The following DPYD variants were observed in gnomAD, a reference collection of about 807,000 sequenced individuals.
DPYD encodes dihydropyrimidine dehydrogenase [NADP(+)].
In DPYD, 109 loss-of-function variants were observed where a neutral mutation model predicts 116.2. The observed-to-expected ratio is 0.94, with a 90% CI of 0.80 to 1.10. The LOEUF is 1.10. Among genes scored for constraint, DPYD ranks in the 50% least tolerant of loss-of-function variants. The pLI is 0.00. For synonymous variants in DPYD, 440 were observed against 432.0 expected (o/e 1.02, Z -0.23); for missense variants, 1,302 against 1,254.5 (o/e 1.04, Z -0.57).
At chr1:97,902,008 T>C (rs1182420145) in intron 1 of DPYD, among the ~76,000 whole-genome samples, 1 of 151,824 alleles carries the variant, frequency 6.6e-6, no homozygotes, top group Non-Finnish European at 1.5e-5. Context: ...ATCCACATAG[T>C]CTAAAATTCT....
intron 3 of DPYD, among the ~76,000 whole-genome samples, chr1:97,750,264 A>G (rs1346708966): frequency 2.0e-5 from 3 of 152,086 alleles, no homozygotes; most frequent in Non-Finnish European, 4.4e-5. Context: ...CATGTACCCT[A>G]GAACTTAAGA....
At chr1:97,492,223 T>A (rs78338622) in intron 13 of DPYD, among the ~76,000 whole-genome samples, 12,792 of 152,206 alleles carry the variant, frequency 0.084, 655 homozygotes, top group South Asian at 0.1. Context: ...TGATTGCAGA[T>A]CAAGGCATTT....
chr1:97,909,095 T>C (rs972785643), intron 1 of DPYD, among the ~76,000 whole-genome samples: 2 of 152,140 alleles, frequency 1.3e-5, no homozygotes, highest in African/African-American at 4.8e-5. Context: ...ATTATTTTCA[T>C]TATCCTACTT....
At chr1:97,506,011 C>A (rs1647295794) in intron 13 of DPYD, among the ~76,000 whole-genome samples, 1 of 151,896 alleles carries the variant, frequency 6.6e-6, no homozygotes, top group Non-Finnish European at 1.5e-5. Flanking sequence ...ACTAACACAC[C>A]AGTAACTTCC....
At chr1:97,889,458 C>T (rs555608468) in intron 1 of DPYD, among the ~76,000 whole-genome samples, 3 of 151,990 alleles carry the variant, frequency 2.0e-5, no homozygotes, top group Non-Finnish European at 4.4e-5. Flanking sequence ...AGCATGAAAG[C>T]TGCAGTGCCC....
intron 3 of DPYD, among the ~76,000 whole-genome samples, chr1:97,753,189 C>A (rs560838301): frequency 9.9e-5 from 15 of 151,724 alleles, no homozygotes; most frequent in Admixed American, 2.0e-4. Context: ...TTATAAAAAC[C>A]CAATGAGATA....
At chr1:97,119,540 T>C (rs1225921888) in intron 20 of DPYD, among the ~76,000 whole-genome samples, 3 of 152,032 alleles carry the variant, frequency 2.0e-5, no homozygotes, top group Non-Finnish European at 4.4e-5. Flanking sequence ...AAAATATGCT[T>C]TTTGTTAGGA....
At chr1:97,250,911 T>A (rs1476537901) in intron 18 of DPYD, among the ~76,000 whole-genome samples, 1 of 152,174 alleles carries the variant, frequency 6.6e-6, no homozygotes, top group East Asian at 1.9e-4. Flanking sequence ...TATCTGTGTA[T>A]TATATTGTAT....
chr1:97,287,687 T>C (rs1665808205), intron 18 of DPYD, among the ~76,000 whole-genome samples: 1 of 152,144 alleles, frequency 6.6e-6, no homozygotes, highest in African/African-American at 2.4e-5. Context: ...CTCAGACTGC[T>C]GTGCTAGCCA....
At chr1:97,450,716 T>G (rs1676369143) in intron 13 of DPYD, among the ~76,000 whole-genome samples, 1 of 151,990 alleles carries the variant, frequency 6.6e-6, no homozygotes, top group East Asian at 1.9e-4. Context: ...TACTGGCTCA[T>G]CAACCATTAA....
At chr1:97,386,028 C>T (rs562163584) in intron 14 of DPYD, among the ~76,000 whole-genome samples, 45 of 152,002 alleles carry the variant, frequency 3.0e-4, no homozygotes, top group African/African-American at 1.1e-3. Context: ...AGAATCATGC[C>T]ACTGAATGCT....
intron 3 of DPYD, among the ~76,000 whole-genome samples, chr1:97,821,689 A>T (rs571857253): frequency 2.0e-5 from 3 of 152,310 alleles, no homozygotes; most frequent in Admixed American, 2.0e-4. Context: ...GTTGGACAAG[A>T]TATACAGCTT....
chr1:97,602,792 AAAG>A (rs1481647338), intron 8 of DPYD, among the ~76,000 whole-genome samples: 1 of 151,926 alleles, frequency 6.6e-6, no homozygotes, highest in Non-Finnish European at 1.5e-5. Flanking sequence ...TGGACAAAAA[AAAG>A]AAGTACCTTT....
chr1:97,772,288 G>A (rs368710216), intron 3 of DPYD, among the ~76,000 whole-genome samples: 6 of 152,228 alleles, frequency 3.9e-5, no homozygotes, highest in African/African-American at 1.4e-4. Flanking sequence ...GATACAGCAG[G>A]GGATGAGTCA....
intron 13 of DPYD, among the ~76,000 whole-genome samples, chr1:97,471,713 C>T (rs866729366): frequency 2.1e-4 from 32 of 151,954 alleles, no homozygotes; most frequent in African/African-American, 7.3e-4. Context: ...CACAGCCTCC[C>T]GAGGTAGCTG....
intron 13 of DPYD, among the ~76,000 whole-genome samples, chr1:97,477,604 CTTTTTTTT>C (rs56199931): frequency 4.4e-5 from 5 of 113,654 alleles, no homozygotes; most frequent in African/African-American, 1.4e-4. Flanking sequence ...GACTGTTCTT[CTTTTTTTT>C]TTTTTTTTTT....
intron 20 of DPYD, among the ~76,000 whole-genome samples, chr1:97,120,415 G>A (rs1429013781): frequency 2.0e-5 from 3 of 152,086 alleles, no homozygotes; most frequent in Admixed American, 2.0e-4. Context: ...TGAAGACAAA[G>A]GGTGTCTGAA....
intron 20 of DPYD, among the ~76,000 whole-genome samples, chr1:97,176,326 A>C (rs1001987948): frequency 1.1e-4 from 16 of 152,132 alleles, no homozygotes; most frequent in African/African-American, 3.9e-4. Context: ...TCTGCCATGA[A>C]ATCTCTGGCT....
In DPYD at chr1:97,814,927, A is replaced by AAAGGAAG. The variant is rs1366463573; in HGVS notation, c.233+13186_233+13187insCTTCCTT. On this transcript the variant is annotated intron_variant, in intron 3 of 22. Coordinates refer to ENST00000370192, the MANE Select transcript of DPYD (RefSeq NM_000110.4). ...TCAAAAAAAAAAAAAAAAAAGAAAGAGAGAGGAAAGAAAGAAAGAAAGAAA... is the reference window on the plus strand; with the variant it reads ...TCAAAAAAAAAAAAAAAAAAGAAAGAAAGGAAGGAGAGGAAAGAAAGAAAGAAAGAAA... Among the ~76,000 whole-genome samples, 90 of 18,228 alleles carry AAAGGAAG rather than the reference A, an allele frequency of 4.9e-3. 2 individuals carry two copies. The South Asian group carries it at 0.11, about 21-fold the overall frequency. 12.0% of individuals were successfully genotyped at this position (18,228 alleles called of 152,430 possible).
Sources: gnomAD v4.1 joint callset for allele counts (sites outside exome capture counted in the v4.1 genomes callset) on GRCh38, gnomAD v4.1.1 for gene constraint, MANE v1.5 for transcripts, NCBI Gene and HGNC (gene_info 2026-07-23, HGNC 2026-07-21) for gene names.